Variants in SAMHD1 observed in about 807,000 individuals in gnomAD.
The protein encoded by SAMHD1 is deoxynucleoside triphosphate triphosphohydrolase SAMHD1.
SAMHD1 carries 54 observed loss-of-function variants against 79.6 expected under a neutral mutation model. That is an observed-to-expected ratio of 0.68 (90% confidence interval 0.55 to 0.85). The LOEUF (loss-of-function observed/expected upper bound fraction) is 0.85. Ranked by LOEUF, SAMHD1 falls within the 40% of genes least tolerant of loss-of-function variation. The pLI, the probability that SAMHD1 is intolerant of heterozygous loss-of-function variation, is 0.00. For missense variants in SAMHD1, 663 were observed against 782.7 expected (o/e 0.85, Z 1.82); for synonymous variants, 260 against 264.1 (o/e 0.98, Z 0.15).
In SAMHD1 at chr20:36,892,192, C is replaced by T. The variant is rs1462893126; in HGVS notation, c.*740G>A. 6.5e-6 allele frequency: 1 copy of T among 152,732 alleles called. No individual in the cohort carries two copies. Among genetic ancestry groups the T allele is most frequent in the Non-Finnish European group, 1.5e-5 (1 of 68,494 alleles). 9.5% of individuals were successfully genotyped at this position (152,732 alleles called of 1,614,324 possible). A position where few individuals can be genotyped will look rare whatever the true frequency, so the allele number is the denominator to read the frequency against. On this transcript the variant is annotated 3_prime_UTR_variant, in exon 16 of 16. Transcript: ENST00000646673. Reference sequence around the variant, plus strand: ...AGAGGCCAGAGCTCTCAGATCTTCCCCAAAACCTAATCAGGCCTCTCACCA... The same window carrying T: ...AGAGGCCAGAGCTCTCAGATCTTCCTCAAAACCTAATCAGGCCTCTCACCA...
chr20:36,892,165 G>A lies in SAMHD1; in HGVS notation c.*767C>T, dbSNP rs981368226. 3.9e-5 allele frequency: 6 copies of A among 152,430 alleles called. No homozygotes were observed. The highest frequency in any genetic ancestry group is 4.1e-4 in the South Asian group (2 of 4,832). The allele number at this position is 152,430 out of a possible 1,614,324, so 9.4% of individuals were successfully genotyped here. ...AGAGGCGGCTTTATGTTCCACTCAC[G>A]AAGAGGCCAGAGCTCTCAGATCTTC... On this transcript the variant is annotated 3_prime_UTR_variant, in exon 16 of 16. Transcript: ENST00000646673.
intron 15 of SAMHD1, chr20:36,893,488 A>C (rs1990131281): frequency 3.6e-6 from 1 of 276,680 alleles, no homozygotes; most frequent in Non-Finnish European, 6.8e-6. Context: ...GAGGAAGAAC[A>C]GTATGTACCT....
chr20:36,947,148 T>A (rs1194821107), intron 1 of SAMHD1: 1 of 258,668 alleles, frequency 3.9e-6, no homozygotes, highest in African/African-American at 2.3e-5. Context: ...GAAACCTAAG[T>A]CTATTGTTCT....
chr20:36,946,891 C>T, intron 1 of SAMHD1, 87 bp from the exon 2 acceptor site: 2 of 1,071,484 alleles, frequency 1.9e-6, no homozygotes, highest in South Asian at 1.3e-5. Context: ...TTACCCAGAT[C>T]CACATAAGTG....
chr20:36,912,316 T>A (rs1408035145), intron 10 of SAMHD1, 145 bp downstream of exon 10: 1 of 646,372 alleles, frequency 1.5e-6, no homozygotes, highest in Non-Finnish European at 2.8e-6. Flanking sequence ...TTATGCTAGA[T>A]TTTTTTTCTT....
At chr20:36,940,921 T>C (rs1000852659) in intron 3 of SAMHD1, 118 bp downstream of exon 3, 4 of 751,428 alleles carry the variant, frequency 5.3e-6, no homozygotes, top group African/African-American at 1.7e-5. Context: ...AAAGATCCAC[T>C]ACTCACAATT....
intron 15 of SAMHD1, chr20:36,893,366 ACT>A (rs1229193584): frequency 4.5e-6 from 2 of 446,322 alleles, no homozygotes; most frequent in Non-Finnish European, 8.1e-6. Context: ...CGGAGCACAA[ACT>A]CTGTCCTGTT....
At chr20:36,924,729 T>C (rs2063526414) in intron 6 of SAMHD1, among the ~76,000 whole-genome samples, 1 of 152,154 alleles carries the variant, frequency 6.6e-6, no homozygotes, top group South Asian at 2.1e-4. Context: ...AAAAATTTCT[T>C]TTCTTCTTTT....
rs191583952 is a variant in SAMHD1 at position 36,924,886 on chromosome 20, C to T, written c.696+2296G>A. On this transcript the variant is annotated intron_variant, in intron 6 of 15. Transcript: ENST00000646673. ...AAAAATTAGATTTCTCGGCCGGGCA[C>T]GGTGGCTCACGTCTGTAATCCCAGC... Among the ~76,000 whole-genome samples the T allele has an allele frequency of 5.3e-3, 812 of 152,042 alleles. 6 individuals are homozygous for T. The highest frequency in any genetic ancestry group is 0.014 in the African/African-American group (588 of 41,486).
Position 36,891,289 on chromosome 20 carries a change from G to C in SAMHD1, c.*1643C>G, listed in dbSNP as rs1380329380. The C allele has an allele frequency of 6.6e-6, 1 of 152,282 alleles. No homozygotes were observed. The highest frequency in any genetic ancestry group is 1.5e-5 in the Non-Finnish European group (1 of 68,096). The allele number at this position is 152,282 out of a possible 1,614,324, so 9.4% of individuals were successfully genotyped here. A position where few individuals can be genotyped will look rare whatever the true frequency, so the allele number is the denominator to read the frequency against. Reference sequence around the variant, plus strand: ...TTCCAAGTACTCTTCACCCCAGTGTGGACGGAACAGAATCTGGCTACACGG... The same window carrying C: ...TTCCAAGTACTCTTCACCCCAGTGTCGACGGAACAGAATCTGGCTACACGG... On this transcript the variant is annotated 3_prime_UTR_variant, in exon 16 of 16. Coordinates refer to ENST00000646673, the MANE Select transcript of SAMHD1 (RefSeq NM_015474.4).
chr20:36,902,848 C>T (rs944083932), intron 13 of SAMHD1, among the ~76,000 whole-genome samples: 1 of 151,988 alleles, frequency 6.6e-6, no homozygotes, highest in African/African-American at 2.4e-5. Flanking sequence ...AGCAATTCTC[C>T]TGCCTCAGCT....
chr20:36,947,678 A>T, intron 1 of SAMHD1, among the ~76,000 whole-genome samples: 1 of 148,772 alleles, frequency 6.7e-6, no homozygotes, highest in African/African-American at 2.5e-5. Context: ...ATTTTCTTTT[A>T]TTTTCTTTGA....
chr20:36,912,622 G>A (rs2063447848), intron 9 of SAMHD1, 70 bp from the exon 10 acceptor site: 2 of 1,094,610 alleles, frequency 1.8e-6, no homozygotes, highest in East Asian at 2.5e-5. Flanking sequence ...CAAGTATATA[G>A]GACAAGGAAG....
chr20:36,911,631 T>C (rs2063441313), intron 10 of SAMHD1: 2 of 296,984 alleles, frequency 6.7e-6, no homozygotes, highest in South Asian at 8.1e-5. Context: ...AAATTTTGAT[T>C]TAACCAAGTT....
At position 36,892,338 on chromosome 20, in the gene SAMHD1, A is replaced by G. The variant is rs1364057455; in HGVS notation, c.*594T>C. The G allele has an allele frequency of 1.7e-5, 3 of 179,312 alleles. No homozygotes were observed. Among genetic ancestry groups the G allele is most frequent in the Non-Finnish European group, 3.5e-5 (3 of 85,272 alleles). 11.1% of individuals were successfully genotyped at this position (179,312 alleles called of 1,614,324 possible). On this transcript the variant is annotated 3_prime_UTR_variant, in exon 16 of 16. Transcript: ENST00000646673. ...CTTATGCTTAGGTCACTCTTAGAGGACTATCCTCAAACTTGAGGTGACAGG... is the reference window on the plus strand; with the variant it reads ...CTTATGCTTAGGTCACTCTTAGAGGGCTATCCTCAAACTTGAGGTGACAGG...
In SAMHD1 at chr20:36,951,670, G is replaced by C; in HGVS notation, c.-27C>G. The C allele has an allele frequency of 3.1e-6, 5 of 1,611,938 alleles. No individual in the cohort carries two copies. Among genetic ancestry groups the C allele is most frequent in the Non-Finnish European group, 4.2e-6 (5 of 1,179,934 alleles). On this transcript the variant is annotated 5_prime_UTR_variant, in exon 1 of 16. Transcript: ENST00000646673. The stretch of plus-strand genomic sequence containing the variant: ...GCTACACCTGGCGTCCGGCACAGCA[G>C]TCAAGAACCTCGGCGCCGGACCCGC...
rs931307608 is a variant in SAMHD1, at chr20:36,948,254, C to CT, written c.209-1451dup. ...AAAAATGGACTTAGATAAAGAGAGA[C>CT]TTTTTTTTTCTTTTCCGAGATGGAG... On this transcript the variant is annotated intron_variant, in intron 1 of 15. Coordinates refer to ENST00000646673, the MANE Select transcript of SAMHD1 (RefSeq NM_015474.4). Among the ~76,000 whole-genome samples, 16 of 151,122 alleles carry CT rather than the reference C, an allele frequency of 1.1e-4. No individual in the cohort carries two copies. In the South Asian group the frequency reaches 2.5e-3, roughly 24 times the overall value.
intron 15 of SAMHD1, among the ~76,000 whole-genome samples, chr20:36,896,252 C>T (rs2148354580): frequency 6.6e-6 from 1 of 151,816 alleles, no homozygotes; most frequent in South Asian, 2.1e-4. Flanking sequence ...GGATTACAGG[C>T]ATGAGCCACC....
At chr20:36,903,397 A>G (rs1295801) in intron 13 of SAMHD1, among the ~76,000 whole-genome samples, 2 of 144,310 alleles carry the variant, frequency 1.4e-5, no homozygotes, top group East Asian at 2.1e-4. Context: ...ACACCACCAT[A>G]CCCAGCTAAT....
Sources: allele counts gnomAD v4.1 joint callset (sites outside exome capture counted in the v4.1 genomes callset), GRCh38; gene constraint gnomAD v4.1.1; transcripts MANE v1.5; gene names NCBI Gene and HGNC (gene_info 2026-07-23, HGNC 2026-07-21).